CACNG4: variants seen among roughly 807,000 people sequenced by gnomAD.
CACNG4 encodes the protein calcium voltage-gated channel auxiliary subunit gamma 4.
CACNG4 carries 8 observed loss-of-function variants against 22.9 expected under a neutral mutation model. The ratio of observed to expected loss-of-function variants is 0.35; its 90% CI spans 0.21 to 0.63. The LOEUF (loss-of-function observed/expected upper bound fraction) is 0.63, where lower values mean the gene tolerates loss of function less well. CACNG4 is among the 30% of genes least tolerant of loss of function. The pLI, the probability that CACNG4 is intolerant of heterozygous loss-of-function variation, is 0.72. For missense variants in CACNG4, 357 were observed against 455.4 expected, an observed-to-expected ratio of 0.78 and a Z score of 1.97; for synonymous variants, 188 against 191.9, an observed-to-expected ratio of 0.98 and a Z score of 0.17.
intron 1 of CACNG4, among the ~76,000 whole-genome samples, chr17:67,004,712 T>C (rs559430821): frequency 5.4e-4 from 82 of 152,286 alleles, no homozygotes; most frequent in South Asian, 1.9e-3. Context: ...CTTCTCTGAC[T>C]TGATCCACAA....
chr17:67,017,525 T>C (rs2035506121), intron 1 of CACNG4, among the ~76,000 whole-genome samples: 1 of 149,504 alleles, frequency 6.7e-6, no homozygotes, highest in Admixed American at 6.7e-5. Flanking sequence ...TTGTTGTTGT[T>C]TGTTGTTGTT....
At chr17:66,990,198 C>A (rs556726495) in intron 1 of CACNG4, among the ~76,000 whole-genome samples, 1 of 152,162 alleles carries the variant, frequency 6.6e-6, no homozygotes, top group Admixed American at 6.5e-5. Context: ...AGAATTGACC[C>A]GGTTGTGGTT....
intron 1 of CACNG4, among the ~76,000 whole-genome samples, chr17:66,971,370 A>G (rs969328162): frequency 9.9e-5 from 15 of 151,632 alleles, no homozygotes; most frequent in African/African-American, 3.2e-4. Context: ...AGACACACAC[A>G]CGGGCTACAA....
At chr17:66,993,767 G>T (rs2035356449) in intron 1 of CACNG4, among the ~76,000 whole-genome samples, 1 of 152,008 alleles carries the variant, frequency 6.6e-6, no homozygotes, top group Non-Finnish European at 1.5e-5. Flanking sequence ...CACCATGCCC[G>T]GCTAACTTTT....
intron 1 of CACNG4, among the ~76,000 whole-genome samples, chr17:66,979,078 G>C (rs2035255578): frequency 6.9e-6 from 1 of 145,740 alleles, no homozygotes; most frequent in South Asian, 2.1e-4. Context: ...AGTCTTCTTT[G>C]TGCTGCTGCC....
intron 1 of CACNG4, among the ~76,000 whole-genome samples, chr17:66,991,278 C>T (rs2035338809): frequency 6.6e-6 from 1 of 152,056 alleles, no homozygotes; most frequent in African/African-American, 2.4e-5. Context: ...GTAAGAATCA[C>T]AGCAGCTTTG....
At chr17:66,980,289 G>A (rs973542022) in intron 1 of CACNG4, among the ~76,000 whole-genome samples, 2 of 152,138 alleles carry the variant, frequency 1.3e-5, no homozygotes, top group African/African-American at 4.8e-5. Context: ...AACTGACCAT[G>A]AAAGTAAGTG....
chr17:67,008,757 G>A (rs1296086040), intron 1 of CACNG4, among the ~76,000 whole-genome samples: 1 of 152,170 alleles, frequency 6.6e-6, no homozygotes, highest in Non-Finnish European at 1.5e-5. Flanking sequence ...ACACCAGCCT[G>A]GCCAACATGG....
At position 66,964,882 on chromosome 17, in the gene CACNG4, C is replaced by G. The variant is rs2035156445; in HGVS notation, c.-30C>G. On this transcript the variant is annotated 5_prime_UTR_variant, in exon 1 of 4. Coordinates refer to ENST00000262138, the MANE Select transcript of CACNG4 (RefSeq NM_014405.4). ...GGCGGGCGGGCGCGGCGGGCCGGGC[C>G]GGCGGGCGGCGGACTATGAGGCGCC... 7.5e-7 allele frequency: 1 copy of G among 1,330,276 alleles called. No individual in the cohort carries two copies. The highest frequency in any genetic ancestry group is 1.5e-5 in the African/African-American group (1 of 64,734). 82.4% of individuals were successfully genotyped at this position (1,330,276 alleles called of 1,614,324 possible). A position where few individuals can be genotyped will look rare whatever the true frequency, so the allele number is the denominator to read the frequency against.
intron 1 of CACNG4, among the ~76,000 whole-genome samples, chr17:66,993,977 T>C (rs2143312971): frequency 6.6e-6 from 1 of 151,970 alleles, no homozygotes; most frequent in South Asian, 2.1e-4. Context: ...TCTGTCTCTA[T>C]ATGTATCCCA....
chr17:66,981,655 C>A (rs191354744), intron 1 of CACNG4, among the ~76,000 whole-genome samples: 2 of 152,144 alleles, frequency 1.3e-5, no homozygotes, highest in Non-Finnish European at 2.9e-5. Flanking sequence ...GGTGCTCAGG[C>A]GAGCCCGGCA....
intron 2 of CACNG4, among the ~76,000 whole-genome samples, chr17:67,024,149 TC>T (rs2035549223): frequency 6.6e-6 from 1 of 152,102 alleles, no homozygotes. Context: ...CAGCCACACC[TC>T]CCCTGCGACT....
At position 67,027,624 on chromosome 17, in the gene CACNG4, G is replaced by C. The variant is rs1567760600; in HGVS notation, c.445+2624G>C. On this transcript the variant is annotated intron_variant, in intron 3 of 3. Coordinates refer to ENST00000262138, the MANE Select transcript of CACNG4 (RefSeq NM_014405.4). The surrounding 1 kb of genome is among the most constrained non-coding windows in gnomAD (Gnocchi z 4.3). The stretch of plus-strand genomic sequence containing the variant: ...GACACAAGACTTCTCTGGGAAACTG[G>C]AATTCATGGAGTTGTTATTTAAGAA... Among the ~76,000 whole-genome samples, 1 of 152,336 alleles carries C rather than the reference G, an allele frequency of 6.6e-6. No individual in the cohort carries two copies. The highest frequency in any genetic ancestry group is 1.9e-4 in the East Asian group (1 of 5,184).
At position 67,024,957 on chromosome 17, in the gene CACNG4, GAAC is replaced by G. The variant is rs759971822; in HGVS notation, c.407_409del (p.Asn136del). On this transcript the variant is annotated inframe_deletion, in exon 3 of 4. Transcript: ENST00000262138. ...GTGCTGGCAGGATCTACAGCCGCAAGAACAACATCGTCCTCAGTGCCGGCATCC... is the reference window on the plus strand; with the variant it reads ...GTGCTGGCAGGATCTACAGCCGCAAGAACATCGTCCTCAGTGCCGGCATCC... 2.5e-6 allele frequency: 4 copies of G among 1,606,772 alleles called. No homozygotes were observed. The highest frequency in any genetic ancestry group is 1.1e-5 in the South Asian group (1 of 89,834).
chr17:66,996,966 A>G (rs1303305058), intron 1 of CACNG4, among the ~76,000 whole-genome samples: 2 of 152,110 alleles, frequency 1.3e-5, no homozygotes, highest in Non-Finnish European at 2.9e-5. Context: ...CCCAAGCTAG[A>G]AGATGGTTCG....
At chr17:66,981,947 T>A (rs2035277098) in intron 1 of CACNG4, among the ~76,000 whole-genome samples, 1 of 152,182 alleles carries the variant, frequency 6.6e-6, no homozygotes, top group Admixed American at 6.5e-5. Context: ...AAAAAAAAAT[T>A]TTTAGAGATA....
intron 2 of CACNG4, among the ~76,000 whole-genome samples, chr17:67,020,506 G>A (rs1204576113): frequency 1.3e-5 from 2 of 152,224 alleles, no homozygotes; most frequent in African/African-American, 2.4e-5. Context: ...GACGGCTTTC[G>A]GGCCTGTGGT....
At chr17:67,001,848 G>A (rs2035409956) in intron 1 of CACNG4, among the ~76,000 whole-genome samples, 1 of 152,228 alleles carries the variant, frequency 6.6e-6, no homozygotes, top group Non-Finnish European at 1.5e-5. Flanking sequence ...CAGTGGGCAG[G>A]ACGCAGGCAG....
At chr17:66,974,277 C>T (rs574045868) in intron 1 of CACNG4, among the ~76,000 whole-genome samples, 6 of 152,272 alleles carry the variant, frequency 3.9e-5, no homozygotes, top group Admixed American at 2.6e-4. Context: ...GGTGTGTTCA[C>T]AGGGGGCATA....
Sources: allele counts gnomAD v4.1 joint callset (sites outside exome capture counted in the v4.1 genomes callset), GRCh38; gene constraint gnomAD v4.1.1; non-coding constraint Gnocchi (gnomAD v3.1); transcripts MANE v1.5; gene names NCBI Gene and HGNC (gene_info 2026-07-23, HGNC 2026-07-21).